ARL15: variants seen among roughly 807,000 people sequenced by gnomAD.
The protein encoded by ARL15 is ADP-ribosylation factor-like protein 15.
ARL15 carries 19 observed loss-of-function variants against 25.2 expected under a neutral mutation model. That is an observed-to-expected ratio of 0.75 (90% CI 0.53 to 1.10). The LOEUF (loss-of-function observed/expected upper bound fraction) is 1.10. Ranked by LOEUF, ARL15 falls within the 50% of genes least tolerant of loss-of-function variation. The pLI is 0.00. For synonymous variants in ARL15, 94 were observed against 86.8 expected (o/e 1.08, Z -0.46); for missense variants, 220 against 246.0 (o/e 0.89, Z 0.71).
chr5:53,946,480 A>AT (rs1746735858), intron 4 of ARL15, among the ~76,000 whole-genome samples: 3 of 149,974 alleles, frequency 2.0e-5, no homozygotes, highest in Non-Finnish European at 3.0e-5. Context: ...AAAAAAAAAA[A>AT]GACATAATAA....
At chr5:54,147,114 C>A (rs926980510) in intron 3 of ARL15, among the ~76,000 whole-genome samples, 2 of 152,144 alleles carry the variant, frequency 1.3e-5, no homozygotes, top group Non-Finnish European at 2.9e-5. Context: ...ATACCAATAT[C>A]ATTTCCCCTA....
At chr5:54,152,661 T>C (rs545293970) in intron 3 of ARL15, among the ~76,000 whole-genome samples, 1 of 152,352 alleles carries the variant, frequency 6.6e-6, no homozygotes, top group African/African-American at 2.4e-5. Context: ...GGAACGAATG[T>C]ATCTGCTCTG....
At chr5:54,252,441 A>G (rs985098148) in intron 1 of ARL15, among the ~76,000 whole-genome samples, 1 of 152,200 alleles carries the variant, frequency 6.6e-6, no homozygotes, top group African/African-American at 2.4e-5. Context: ...AAGTTCATCT[A>G]TGCTTTTGCT....
intron 3 of ARL15, among the ~76,000 whole-genome samples, chr5:54,139,422 C>T (rs572240129): frequency 1.3e-5 from 2 of 152,178 alleles, no homozygotes; most frequent in South Asian, 4.2e-4. Flanking sequence ...AAAGACAAAC[C>T]AAATACTATA....
chr5:54,074,400 T>C lies in ARL15; in HGVS notation c.462+38802A>G, dbSNP rs147351175. 3.4e-3 allele frequency among the ~76,000 whole-genome samples: 515 copies of C among 152,222 alleles called. 3 individuals are homozygous for C. The highest frequency in any genetic ancestry group is 0.012 in the African/African-American group (479 of 41,540). ...AAGTGACAGACTGGGACTAATAAAG[T>C]CCACAAACCACAGATTGTCAATAAA... On this transcript the variant is annotated intron_variant, in intron 4 of 4. Coordinates refer to ENST00000504924, the MANE Select transcript of ARL15 (RefSeq NM_019087.3).
At chr5:54,283,491 T>C (rs1758110707) in intron 1 of ARL15, among the ~76,000 whole-genome samples, 2 of 152,188 alleles carry the variant, frequency 1.3e-5, no homozygotes, top group Non-Finnish European at 1.5e-5. Flanking sequence ...ATACTGGGGA[T>C]CATGATCACA....
intron 4 of ARL15, among the ~76,000 whole-genome samples, chr5:53,984,190 T>C (rs893620891): frequency 2.6e-5 from 4 of 152,348 alleles, no homozygotes; most frequent in East Asian, 3.9e-4. Flanking sequence ...CAAAGCCTGC[T>C]GTCTTTTATA....
At chr5:54,120,769 T>A (rs1015239517) in intron 3 of ARL15, among the ~76,000 whole-genome samples, 17 of 152,200 alleles carry the variant, frequency 1.1e-4, no homozygotes, top group African/African-American at 4.1e-4. Flanking sequence ...GGAACAGCTT[T>A]GCTGCAATTG....
chr5:54,285,850 G>T (rs1454393875), intron 1 of ARL15, among the ~76,000 whole-genome samples: 1 of 152,080 alleles, frequency 6.6e-6, no homozygotes, highest in African/African-American at 2.4e-5. Context: ...TGCAATAAAT[G>T]GAGGATACAG....
chr5:54,084,424 C>CAA (rs10676630), intron 4 of ARL15, among the ~76,000 whole-genome samples: 81,481 of 129,410 alleles, frequency 0.63, 25,063 homozygotes, highest in Non-Finnish European at 0.71. Flanking sequence ...ACTGACTCTT[C>CAA]AAAAAAAAAA....
At chr5:53,899,102 T>C (rs1298682972) in intron 4 of ARL15, among the ~76,000 whole-genome samples, 1 of 152,044 alleles carries the variant, frequency 6.6e-6, no homozygotes, top group Non-Finnish European at 1.5e-5. Flanking sequence ...ATCCCAGCAC[T>C]TTGGGAGGCT....
chr5:53,912,002 C>T lies in ARL15; in HGVS notation c.463-25289G>A, dbSNP rs370718406. The T allele has an allele frequency of 1.6e-3, 242 of 151,540 alleles. 1 individual carries two copies. The highest frequency in any genetic ancestry group is 5.5e-3 in the African/African-American group (227 of 41,438). The allele number at this position is 151,540 out of a possible 1,614,324, so 9.4% of individuals were successfully genotyped here. A position where few individuals can be genotyped will look rare whatever the true frequency, so the allele number is the denominator to read the frequency against. On this transcript the variant is annotated intron_variant, in intron 4 of 4. Coordinates refer to ENST00000504924, the MANE Select transcript of ARL15 (RefSeq NM_019087.3). The stretch of plus-strand genomic sequence containing the variant: ...AATCCGAAGTCTCTATATACCTTAC[C>T]ATGTGTCAGACTTTTTTTTTTTAAT...
chr5:54,166,194 CT>C lies in ARL15; in HGVS notation c.193+5589del, dbSNP rs964258457. Among the ~76,000 whole-genome samples the C allele has an allele frequency of 4.6e-5, 7 of 151,912 alleles. No individual in the cohort carries two copies. In the East Asian group the frequency reaches 7.7e-4, roughly 17 times the overall value. ...TATTCACGTTTCTTTCTCTCTCTCT[CT>C]TTTTTTCCCCCACAAGAGATGGGGT... On this transcript the variant is annotated intron_variant, in intron 2 of 4. Coordinates refer to ENST00000504924, the MANE Select transcript of ARL15 (RefSeq NM_019087.3).
At chr5:53,906,544 G>A (rs971264442) in intron 4 of ARL15, among the ~76,000 whole-genome samples, 1 of 152,114 alleles carries the variant, frequency 6.6e-6, no homozygotes, top group Non-Finnish European at 1.5e-5. Flanking sequence ...TCTCTTTCTT[G>A]TTCCCCTCAC....
intron 3 of ARL15, among the ~76,000 whole-genome samples, chr5:54,131,286 T>A (rs887590272): frequency 1.3e-5 from 2 of 152,240 alleles, no homozygotes; most frequent in Non-Finnish European, 2.9e-5. Context: ...TTGAATCTTT[T>A]CACACCATTT....
chr5:53,947,569 C>T (rs116304532), intron 4 of ARL15, among the ~76,000 whole-genome samples: 301 of 152,236 alleles, frequency 2.0e-3, no homozygotes, highest in African/African-American at 6.9e-3. Flanking sequence ...TGAGGAAGAG[C>T]AAAGATCCTA....
chr5:54,086,030 T>A (rs960279065), intron 4 of ARL15, among the ~76,000 whole-genome samples: 7 of 152,022 alleles, frequency 4.6e-5, no homozygotes, highest in African/African-American at 1.4e-4. Flanking sequence ...TTCTCCTGCC[T>A]CAGCCTCCTG....
chr5:54,229,404 C>T (rs77820680), intron 1 of ARL15, among the ~76,000 whole-genome samples: 2 of 152,060 alleles, frequency 1.3e-5, no homozygotes, highest in Non-Finnish European at 2.9e-5. Context: ...AGAAATCCTT[C>T]GGGTACCTGC....
At chr5:54,078,586 TACTTCATGGGATGGC>T (rs2112100209) in intron 4 of ARL15, among the ~76,000 whole-genome samples, 1 of 152,360 alleles carries the variant, frequency 6.6e-6, no homozygotes, top group South Asian at 2.1e-4. Flanking sequence ...ACTCTATCCT[TACTTCATGGGATGGC>T]ATAAGACAGG....
Sources: gnomAD v4.1 joint callset for allele counts (sites outside exome capture counted in the v4.1 genomes callset) on GRCh38, gnomAD v4.1.1 for gene constraint, MANE v1.5 for transcripts, NCBI Gene and HGNC (gene_info 2026-07-23, HGNC 2026-07-21) for gene names.